Variants in SCAMP1 observed in about 807,000 individuals in gnomAD.
SCAMP1 encodes the protein secretory carrier-associated membrane protein 1.
Under a neutral mutation model 41.8 loss-of-function variants are expected in SCAMP1, and 15 were observed. That is an observed-to-expected ratio of 0.36 (90% CI 0.24 to 0.55). The LOEUF (loss-of-function observed/expected upper bound fraction) is 0.55. Ranked by LOEUF, SCAMP1 falls within the 20% of genes least tolerant of loss-of-function variation. The pLI, the probability that SCAMP1 is intolerant of heterozygous loss-of-function variation, is 0.86. For synonymous variants in SCAMP1, 135 were observed against 136.8 expected (o/e 0.99, Z 0.09); for missense variants, 341 against 412.6 (o/e 0.83, Z 1.50).
intron 3 of SCAMP1, among the ~76,000 whole-genome samples, chr5:78,415,894 A>G (rs1275256246): frequency 6.6e-6 from 1 of 152,164 alleles, no homozygotes; most frequent in African/African-American, 2.4e-5. Flanking sequence ...TTTTTAATGC[A>G]CACTACCATT....
intron 6 of SCAMP1, among the ~76,000 whole-genome samples, chr5:78,447,818 C>A (rs1303092194): frequency 1.5e-5 from 2 of 129,982 alleles, no homozygotes; most frequent in African/African-American, 2.9e-5. Flanking sequence ...CCTCCCTCCT[C>A]CCCCTCTCCC....
intron 3 of SCAMP1, among the ~76,000 whole-genome samples, chr5:78,415,854 T>C (rs1752196938): frequency 6.6e-6 from 1 of 152,188 alleles, no homozygotes; most frequent in Non-Finnish European, 1.5e-5. Flanking sequence ...ATCATCTCAG[T>C]GGATAAATTT....
At chr5:78,367,328 T>C (rs1750823199) in intron 1 of SCAMP1, among the ~76,000 whole-genome samples, 1 of 152,242 alleles carries the variant, frequency 6.6e-6, no homozygotes, top group Admixed American at 6.5e-5. Context: ...TTAATTGCGC[T>C]AGACTTAGCT....
intron 1 of SCAMP1, among the ~76,000 whole-genome samples, chr5:78,365,125 A>C (rs1750761159): frequency 6.6e-6 from 1 of 152,162 alleles, no homozygotes. Context: ...GTAAGAGCTT[A>C]ATGTATAGTG....
At chr5:78,403,972 A>G (rs1353935418) in intron 2 of SCAMP1, among the ~76,000 whole-genome samples, 1 of 148,998 alleles carries the variant, frequency 6.7e-6, no homozygotes, top group African/African-American at 2.5e-5. Context: ...AAAAAAAAAA[A>G]AAAAAAAAGG....
rs1406833617 is a variant in SCAMP1 at position 78,477,193 on chromosome 5, C to G, written c.*1525C>G. ...AAGTTTTATGCTAGAGGTGGGATGC[C>G]AAGTTTTCACTATCCATGAAGCAGC... On this transcript the variant is annotated 3_prime_UTR_variant, in exon 9 of 9. Coordinates refer to ENST00000621999, the MANE Select transcript of SCAMP1 (RefSeq NM_004866.6). 6.6e-6 allele frequency: 1 copy of G among 152,090 alleles called. No individual in the cohort carries two copies. The highest frequency in any genetic ancestry group is 2.4e-5 in the African/African-American group (1 of 41,416). The allele number at this position is 152,090 out of a possible 1,614,324, so 9.4% of individuals were successfully genotyped here. A position where few individuals can be genotyped will look rare whatever the true frequency, so the allele number is the denominator to read the frequency against.
At chr5:78,409,365 T>C (rs1025032622) in intron 2 of SCAMP1, among the ~76,000 whole-genome samples, 27 of 152,050 alleles carry the variant, frequency 1.8e-4, no homozygotes, top group African/African-American at 4.8e-4. Flanking sequence ...AGTGAAAGTC[T>C]TGAGTGGCTT....
rs773624282 is a variant in SCAMP1 at position 78,360,737 on chromosome 5, C to G, written c.57+9C>G. 1.8e-5 allele frequency: 29 copies of G among 1,604,388 alleles called. No individual in the cohort carries two copies. The highest frequency in any genetic ancestry group is 6.8e-5 in the Admixed American group (4 of 59,198). ...TCAACAATCCCTTCAAGGTGAGCTT[C>G]GGCCCCAGCATCTCCTGCCGCCGCG... On this transcript the variant is annotated intron_variant, in intron 1 of 8. Transcript: ENST00000621999.
At chr5:78,360,848 C>A in intron 1 of SCAMP1, 120 bp downstream of exon 1, 1 of 980,612 alleles carries the variant, frequency 1.0e-6, no homozygotes, top group Non-Finnish European at 1.5e-6. Context: ...CAGAGAGGGG[C>A]GCGGGGCCGC....
In SCAMP1 at chr5:78,388,931, T is replaced by C; in HGVS notation, c.135+17T>C. ...TCTAGAACAGTAAGATTATTCTTGC[T>C]TTTAAATGTTTAAATTGAAATTCAG... On this transcript the variant is annotated intron_variant, in intron 2 of 8. Transcript: ENST00000621999. 7.0e-6 allele frequency: 9 copies of C among 1,278,082 alleles called. No individual in the cohort carries two copies. The highest frequency in any genetic ancestry group is 9.9e-6 in the Non-Finnish European group (9 of 909,354). 79.2% of individuals were successfully genotyped at this position (1,278,082 alleles called of 1,614,324 possible).
intron 1 of SCAMP1, among the ~76,000 whole-genome samples, chr5:78,369,252 G>T (rs564621493): frequency 6.6e-6 from 1 of 151,960 alleles, no homozygotes; most frequent in Non-Finnish European, 1.5e-5. Context: ...GACTATAGGC[G>T]TGCACCGCCA....
chr5:78,378,135 G>A (rs1388270188), intron 1 of SCAMP1, among the ~76,000 whole-genome samples: 1 of 152,102 alleles, frequency 6.6e-6, no homozygotes, highest in Non-Finnish European at 1.5e-5. Context: ...TTCTGCTACA[G>A]AACAAGTACC....
chr5:78,459,484 C>G (rs1048934391), intron 8 of SCAMP1, 122 bp downstream of exon 8: 2 of 581,658 alleles, frequency 3.4e-6, no homozygotes, highest in African/African-American at 3.9e-5. Context: ...AGTTTGCTCT[C>G]TGAGGATTAC....
intron 1 of SCAMP1, among the ~76,000 whole-genome samples, chr5:78,374,978 C>T (rs1331790646): frequency 6.6e-6 from 1 of 152,012 alleles, no homozygotes; most frequent in Non-Finnish European, 1.5e-5. Flanking sequence ...CTTTTCCTAG[C>T]TCCTTTTTAA....
intron 1 of SCAMP1, among the ~76,000 whole-genome samples, chr5:78,379,271 A>G (rs1751140317): frequency 6.6e-6 from 1 of 152,244 alleles, no homozygotes; most frequent in African/African-American, 2.4e-5. Flanking sequence ...AAGTAAATGT[A>G]AAAGTAAATG....
chr5:78,404,537 G>A (rs761162820), intron 2 of SCAMP1, among the ~76,000 whole-genome samples: 3 of 147,246 alleles, frequency 2.0e-5, no homozygotes, highest in Non-Finnish European at 3.0e-5. Context: ...GTTGTGTGGT[G>A]GCAAGGTGTT....
intron 1 of SCAMP1, among the ~76,000 whole-genome samples, chr5:78,381,779 G>C (rs4235708): frequency 0.95 from 144,023 of 152,318 alleles, 68,292 homozygotes; most frequent in Non-Finnish European, 0.97. Context: ...TATTCAGTAG[G>C]TTGTTTCATT....
chr5:78,444,780 A>T (rs1371629426), intron 6 of SCAMP1, among the ~76,000 whole-genome samples: 1 of 152,238 alleles, frequency 6.6e-6, no homozygotes, highest in African/African-American at 2.4e-5. Context: ...AGTGTAATAC[A>T]GGTATCAACA....
At chr5:78,377,308 C>A (rs866734387) in intron 1 of SCAMP1, among the ~76,000 whole-genome samples, 16 of 152,130 alleles carry the variant, frequency 1.1e-4, no homozygotes, top group African/African-American at 3.9e-4. Context: ...TTTCTGGCCA[C>A]CTTCCTATAA....
Sources: allele counts gnomAD v4.1 joint callset (sites outside exome capture counted in the v4.1 genomes callset), GRCh38; gene constraint gnomAD v4.1.1; transcripts MANE v1.5; gene names NCBI Gene and HGNC (gene_info 2026-07-23, HGNC 2026-07-21).